Variants in GPM6B observed in about 807,000 individuals in gnomAD.
GPM6B encodes the protein neuronal membrane glycoprotein M6-b.
In GPM6B, 4 loss-of-function variants were observed where a neutral mutation model predicts 27.2. The ratio of observed to expected loss-of-function variants is 0.15; its 90% confidence interval spans 0.07 to 0.34. The LOEUF (loss-of-function observed/expected upper bound fraction) is 0.34, where lower values mean the gene tolerates loss of function less well. Ranked by LOEUF, GPM6B falls within the 10% of genes least tolerant of loss-of-function variation. The pLI, the probability that GPM6B is intolerant of heterozygous loss-of-function variation, is 1.00. For synonymous variants in GPM6B, 124 were observed against 103.1 expected (o/e 1.20, Z -1.23); for missense variants, 183 against 261.9 (o/e 0.70, Z 2.08).
chrX:13,853,772 G>A (rs1054569698), intron 1 of GPM6B, among the ~76,000 whole-genome samples: 1 of 110,493 alleles, frequency 9.1e-6, no homozygotes, highest in Non-Finnish European at 1.9e-5. Context: ...AGAAAGGCAG[G>A]CTGGTCATGG....
chrX:13,912,315 G>A (rs1010344416), intron 1 of GPM6B, among the ~76,000 whole-genome samples: 9 of 111,876 alleles, frequency 8.0e-5, no homozygotes, highest in Non-Finnish European at 1.3e-4. Context: ...CTATAGTTCA[G>A]ACAGCCAAGA....
chrX:13,867,753 T>G (rs2051319125), intron 1 of GPM6B, among the ~76,000 whole-genome samples: 1 of 111,724 alleles, frequency 9.0e-6, no homozygotes, highest in Non-Finnish European at 1.9e-5. Flanking sequence ...AACAAACGGT[T>G]GTATCCTACA....
At chrX:13,885,720 T>C (rs1469427432) in intron 1 of GPM6B, among the ~76,000 whole-genome samples, 1 of 110,541 alleles carries the variant, frequency 9.0e-6, no homozygotes, top group Non-Finnish European at 1.9e-5. Context: ...CATCTTGTGG[T>C]CCCACCCCCC....
chrX:13,857,144 T>C (rs1467101199), intron 1 of GPM6B, among the ~76,000 whole-genome samples: 2 of 111,428 alleles, frequency 1.8e-5, no homozygotes, highest in Non-Finnish European at 3.8e-5. Context: ...TTGGGCCCAC[T>C]GAGATAATCC....
chrX:13,892,133 C>T (rs2050194192), intron 1 of GPM6B, among the ~76,000 whole-genome samples: 1 of 111,843 alleles, frequency 8.9e-6, no homozygotes, highest in South Asian at 3.7e-4. Flanking sequence ...TCCAGCATAG[C>T]TCTTGGTGCT....
intron 1 of GPM6B, among the ~76,000 whole-genome samples, chrX:13,833,513 G>C (rs1038679480): frequency 2.1e-5 from 2 of 96,360 alleles, no homozygotes; most frequent in East Asian, 7.0e-4. Flanking sequence ...CCAGGAGTTC[G>C]AGCCCAGCCT....
At chrX:13,905,230 C>CA (rs199791285) in intron 1 of GPM6B, among the ~76,000 whole-genome samples, 7,789 of 64,618 alleles carry the variant, frequency 0.12, 809 homozygotes, top group African/African-American at 0.29. Context: ...GGCCCTGTCT[C>CA]AAAAAAAAAA....
chrX:13,826,326 G>A (rs1011004184), intron 1 of GPM6B, among the ~76,000 whole-genome samples: 1 of 110,643 alleles, frequency 9.0e-6, no homozygotes, highest in Non-Finnish European at 1.9e-5. Context: ...GAGGGGAATG[G>A]GCCCCAACAT....
intron 2 of GPM6B, among the ~76,000 whole-genome samples, chrX:13,801,825 T>C (rs757794462): frequency 9.0e-6 from 1 of 111,727 alleles, no homozygotes; most frequent in South Asian, 3.8e-4. Flanking sequence ...GGTGAAAGCA[T>C]TGTTCATGGA....
chrX:13,895,761 C>A (rs1191500702), intron 1 of GPM6B, among the ~76,000 whole-genome samples: 2 of 110,942 alleles, frequency 1.8e-5, no homozygotes, highest in Non-Finnish European at 3.8e-5. Context: ...CTGTCCATAT[C>A]TTGAGATCTA....
chrX:13,793,524 G>A (rs1225891084), intron 2 of GPM6B, among the ~76,000 whole-genome samples: 2 of 112,269 alleles, frequency 1.8e-5, no homozygotes, highest in Non-Finnish European at 3.8e-5. Flanking sequence ...AGTGCCAAGA[G>A]TGAGAAACCC....
At chrX:13,914,412 A>C (rs2050409105) in intron 1 of GPM6B, among the ~76,000 whole-genome samples, 1 of 112,534 alleles carries the variant, frequency 8.9e-6, no homozygotes, top group Admixed American at 9.4e-5. Context: ...GGATGTGAAA[A>C]GTGACAGATG....
At position 13,841,649 on chromosome X, in the gene GPM6B, G is replaced by A. The variant is rs150745244; in HGVS notation, c.-197-55841C>T. On this transcript the variant is annotated intron_variant, in intron 1 of 6. Transcript: ENST00000398361. ...GCCTCTCCTCCTGGCCTCAGACTTG[G>A]GTGGAGGTAATGGCAATCTACCTGG... 2.1e-4 allele frequency among the ~76,000 whole-genome samples: 23 copies of A among 111,436 alleles called. 1 individual carries two copies. In the East Asian group the frequency reaches 6.2e-3, roughly 30 times the overall value.
At chrX:13,929,632 G>A (rs1921385326) in intron 1 of GPM6B, among the ~76,000 whole-genome samples, 1 of 111,184 alleles carries the variant, frequency 9.0e-6, no homozygotes, top group African/African-American at 3.3e-5. Context: ...AATCAATATG[G>A]TGCTCCCCTC....
chrX:13,921,586 T>A (rs1243823977), intron 1 of GPM6B, among the ~76,000 whole-genome samples: 1 of 106,184 alleles, frequency 9.4e-6, no homozygotes, highest in East Asian at 2.9e-4. Flanking sequence ...CCCCCCTTTT[T>A]TTTTTTTTAG....
chrX:13,848,032 T>C (rs1370870978), intron 1 of GPM6B, among the ~76,000 whole-genome samples: 3 of 111,996 alleles, frequency 2.7e-5, no homozygotes, highest in African/African-American at 9.7e-5. Context: ...GATATACTGA[T>C]ACCCCCAGCT....
At position 13,842,836 on chromosome X, in the gene GPM6B, A is replaced by G. The variant is rs143742347; in HGVS notation, c.-197-57028T>C. ...CAGATTAAAATATGAGTCAATGGAC[A>G]CAGCATAAAATAATGTATTAATATT... On this transcript the variant is annotated intron_variant, in intron 1 of 6. Transcript: ENST00000398361. Among the ~76,000 whole-genome samples the G allele has an allele frequency of 9.9e-3, 1,115 of 112,369 alleles. 20 individuals are homozygous for G. The highest frequency in any genetic ancestry group is 0.034 in the African/African-American group (1,049 of 30,931).
rs915244620 is a variant in GPM6B, at chrX:13,896,003, T to A, written c.-198+42324A>T. Among the ~76,000 whole-genome samples, 91 of 90,140 alleles carry A rather than the reference T, an allele frequency of 1.0e-3. No individual in the cohort carries two copies. In the East Asian group the frequency reaches 0.026, roughly 26 times the overall value. The allele number at this position is 90,140 out of a possible 115,157, so 78.3% of individuals were successfully genotyped here. On this transcript the variant is annotated intron_variant, in intron 1 of 6. Transcript: ENST00000398361. Reference sequence around the variant, plus strand: ...TAGAAAAACTTTTTTTTTTTTTTTTTAATTAACCGTGTGTGGTGGCATACA... The same window carrying A: ...TAGAAAAACTTTTTTTTTTTTTTTTAAATTAACCGTGTGTGGTGGCATACA...
Position 13,857,667 on chromosome X carries a change from G to A in GPM6B, c.-197-71859C>T, listed in dbSNP as rs188146135. Among the ~76,000 whole-genome samples the A allele has an allele frequency of 5.0e-3, 562 of 112,367 alleles. 1 individual carries two copies. The highest frequency in any genetic ancestry group is 8.6e-3 in the Non-Finnish European group (456 of 53,239). The stretch of plus-strand genomic sequence containing the variant: ...TTTTGAATGTTTTAAGAAAGGACAT[G>A]GGTTTGTTTCATGGAACAGAATGCT... On this transcript the variant is annotated intron_variant, in intron 1 of 6. Coordinates refer to the GPM6B transcript ENST00000398361.
Sources: gnomAD v4.1 joint callset for allele counts (sites outside exome capture counted in the v4.1 genomes callset) on GRCh38, gnomAD v4.1.1 for gene constraint, MANE v1.5 for transcripts, NCBI Gene and HGNC (gene_info 2026-07-23, HGNC 2026-07-21) for gene names.